TBCA: variants seen among roughly 807,000 people sequenced by gnomAD.
The protein encoded by TBCA is tubulin folding cofactor A.
A neutral mutation model predicts 15.8 loss-of-function variants in TBCA; 6 were observed. That is an observed-to-expected ratio of 0.38 (90% CI 0.21 to 0.75). The LOEUF is 0.75. TBCA is among the 30% of genes least tolerant of loss of function. The pLI, the probability that TBCA is intolerant of heterozygous loss-of-function variation, is 0.46. For synonymous variants in TBCA, 32 were observed against 42.3 expected (o/e 0.76, Z 0.94); for missense variants, 90 against 131.2 (o/e 0.69, Z 1.53).
chr5:77,702,550 T>G lies in TBCA; in HGVS notation c.159+5692A>C, dbSNP rs182521182. On this transcript the variant is annotated intron_variant, in intron 2 of 3. Coordinates refer to ENST00000380377, the MANE Select transcript of TBCA (RefSeq NM_004607.3). ...GAAGTGGCAAGAGGGAGCTTTGCGA[T>G]GGAACAGTTCTCCATCTTGATTGGT... 4.8e-4 allele frequency among the ~76,000 whole-genome samples: 73 copies of G among 152,314 alleles called. 1 individual carries two copies. The East Asian group carries it at 0.012, about 24-fold the overall frequency.
chr5:77,754,259 C>T (rs1747423352), intron 1 of TBCA, among the ~76,000 whole-genome samples: 1 of 152,122 alleles, frequency 6.6e-6, no homozygotes, highest in South Asian at 2.1e-4. Context: ...ACCAAAAATA[C>T]CTATTTATTT....
At chr5:77,709,928 T>C (rs351877) in intron 1 of TBCA, among the ~76,000 whole-genome samples, 48,461 of 152,094 alleles carry the variant, frequency 0.32, 9,064 homozygotes, top group Non-Finnish European at 0.42. Flanking sequence ...TTGTATGATT[T>C]TATTACAGGA....
At chr5:77,734,366 G>A (rs1175825167) in intron 1 of TBCA, among the ~76,000 whole-genome samples, 14 of 152,150 alleles carry the variant, frequency 9.2e-5, no homozygotes. Context: ...AAGGATTCAC[G>A]ATTCTAGATG....
chr5:77,756,680 A>C (rs182197741), intron 1 of TBCA, among the ~76,000 whole-genome samples: 1 of 151,804 alleles, frequency 6.6e-6, no homozygotes, highest in East Asian at 1.9e-4. Context: ...GTCCTCAGCC[A>C]CCTTTAACTT....
At chr5:77,693,591 G>A (rs540168650) in intron 2 of TBCA, 82 of 476,066 alleles carry the variant, frequency 1.7e-4, no homozygotes, top group Middle Eastern at 1.2e-3. Flanking sequence ...CTGAGGTCAG[G>A]AGGTTCAAGA....
intron 1 of TBCA, among the ~76,000 whole-genome samples, chr5:77,750,191 T>TAC (rs375457150): frequency 6.6e-6 from 1 of 151,430 alleles, no homozygotes. Flanking sequence ...CAAATACATA[T>TAC]ACACACACAC....
chr5:77,776,150 G>C, intron 1 of TBCA, 55 bp downstream of exon 1: 1 of 1,546,004 alleles, frequency 6.5e-7, no homozygotes, highest in Non-Finnish European at 8.7e-7. Flanking sequence ...TCAGCCTCGC[G>C]GGCCGCCATG....
chr5:77,768,888 A>G (rs1747842554), intron 1 of TBCA, among the ~76,000 whole-genome samples: 1 of 152,246 alleles, frequency 6.6e-6, no homozygotes, highest in Non-Finnish European at 1.5e-5. Flanking sequence ...CATTATTAAT[A>G]AAATTTTCCA....
chr5:77,760,863 C>T (rs530345328), intron 1 of TBCA, among the ~76,000 whole-genome samples: 3 of 152,316 alleles, frequency 2.0e-5, no homozygotes, highest in Admixed American at 6.5e-5. Flanking sequence ...AAGTAAGGAG[C>T]GTCTCTGCCT....
intron 1 of TBCA, among the ~76,000 whole-genome samples, chr5:77,771,764 C>T (rs996633609): frequency 6.6e-6 from 1 of 152,208 alleles, no homozygotes; most frequent in Admixed American, 6.5e-5. Flanking sequence ...TCCTCAGACC[C>T]ACTATCAGGA....
intron 1 of TBCA, among the ~76,000 whole-genome samples, chr5:77,774,114 T>C (rs1022726610): frequency 3.3e-5 from 5 of 152,182 alleles, no homozygotes; most frequent in African/African-American, 9.7e-5. Flanking sequence ...TCAGGAACAA[T>C]TGAGCAGCAT....
chr5:77,709,493 A>C lies in TBCA; in HGVS notation c.54-1146T>G, dbSNP rs351876. ...AAAGAGCAGAAGAAAAAGCTTTCAT[A>C]GCACATATGTAATAAAAATAGCTTT... On this transcript the variant is annotated intron_variant, in intron 1 of 3. Coordinates refer to ENST00000380377, the MANE Select transcript of TBCA (RefSeq NM_004607.3). Among the ~76,000 whole-genome samples the C allele has an allele frequency of 9.3e-3, 1,412 of 152,342 alleles. 11 individuals are homozygous for C. The highest frequency in any genetic ancestry group is 0.016 in the Non-Finnish European group (1,099 of 68,036).
At chr5:77,701,726 T>TAA (rs1580092886) in intron 2 of TBCA, among the ~76,000 whole-genome samples, 2 of 128,356 alleles carry the variant, frequency 1.6e-5, no homozygotes, top group African/African-American at 5.7e-5. Flanking sequence ...TATATATATA[T>TAA]GATGGAATAC....
At chr5:77,698,161 C>T (rs2112424114) in intron 2 of TBCA, among the ~76,000 whole-genome samples, 1 of 132,370 alleles carries the variant, frequency 7.6e-6, no homozygotes, top group East Asian at 2.1e-4. Context: ...AAGCTGGTTT[C>T]TTGAAAAGAA....
At chr5:77,770,088 G>C (rs1747872099) in intron 1 of TBCA, among the ~76,000 whole-genome samples, 1 of 152,208 alleles carries the variant, frequency 6.6e-6, no homozygotes. Flanking sequence ...ATGATTGTGA[G>C]TGTTTTTTAC....
intron 1 of TBCA, among the ~76,000 whole-genome samples, chr5:77,751,159 C>CTTTTTTTTTTTTTTTTTTTTTTTTTT (rs10573352): frequency 1.2e-5 from 1 of 81,936 alleles, no homozygotes; most frequent in Non-Finnish European, 2.4e-5. Flanking sequence ...TTCTTTCTTT[C>CTTTTTTTTTTTTTTTTTTTTTTTTTT]TTTTTTTTTT....
At chr5:77,758,132 T>G (rs1747519711) in intron 1 of TBCA, among the ~76,000 whole-genome samples, 1 of 152,092 alleles carries the variant, frequency 6.6e-6, no homozygotes, top group Non-Finnish European at 1.5e-5. Context: ...ACCTTTTGAT[T>G]TGGGGTTTTA....
At chr5:77,731,720 A>G (rs993582938) in intron 1 of TBCA, among the ~76,000 whole-genome samples, 2 of 151,888 alleles carry the variant, frequency 1.3e-5, no homozygotes, top group African/African-American at 4.8e-5. Context: ...CATTTTTGCT[A>G]TTTCCCTAGA....
intron 1 of TBCA, among the ~76,000 whole-genome samples, chr5:77,735,832 C>T (rs1746889346): frequency 6.6e-6 from 1 of 152,112 alleles, no homozygotes; most frequent in Non-Finnish European, 1.5e-5. Flanking sequence ...TATGACAAGG[C>T]CAGCTTTATG....
Sources: gnomAD v4.1 joint callset for allele counts (sites outside exome capture counted in the v4.1 genomes callset) on GRCh38, gnomAD v4.1.1 for gene constraint, MANE v1.5 for transcripts, NCBI Gene and HGNC (gene_info 2026-07-23, HGNC 2026-07-21) for gene names.